TRPM6: variants seen among roughly 807,000 people sequenced by gnomAD.
TRPM6 encodes the protein transient receptor potential cation channel subfamily M member 6, also known as channel kinase 2.
Under a neutral mutation model 247.6 loss-of-function variants are expected in TRPM6, and 111 were observed. The observed-to-expected ratio is 0.45, with a 90% CI of 0.38 to 0.52. TRPM6 has a LOEUF of 0.52. Ranked by LOEUF, TRPM6 falls within the 20% of genes least tolerant of loss-of-function variation. TRPM6 has a pLI of 0.00. For missense variants in TRPM6, 2,126 were observed against 2,421.5 expected (o/e 0.88, Z 2.56); for synonymous variants, 892 against 853.8 (o/e 1.04, Z -0.78).
At chr9:74,730,188 C>A (rs967684019) in intron 37 of TRPM6, among the ~76,000 whole-genome samples, 1 of 152,082 alleles carries the variant, frequency 6.6e-6, no homozygotes, top group Non-Finnish European at 1.5e-5. Flanking sequence ...GTTCCACATG[C>A]GAGGAAACGC....
chr9:74,746,210 G>A (rs995924683), intron 31 of TRPM6, among the ~76,000 whole-genome samples: 1 of 151,154 alleles, frequency 6.6e-6, no homozygotes, highest in African/African-American at 2.4e-5. Context: ...CTGCACTGCA[G>A]CCTGGGCGAC....
At chr9:74,859,114 G>C (rs1163840180) in intron 1 of TRPM6, among the ~76,000 whole-genome samples, 1 of 152,120 alleles carries the variant, frequency 6.6e-6, no homozygotes, top group Non-Finnish European at 1.5e-5. Context: ...CCAAGCTCCC[G>C]AAACTTCAAA....
At chr9:74,881,885 G>T (rs1231744106) in intron 1 of TRPM6, among the ~76,000 whole-genome samples, 2 of 152,148 alleles carry the variant, frequency 1.3e-5, no homozygotes, top group Non-Finnish European at 2.9e-5. Context: ...AGAGAACACA[G>T]AAGTAATTCC....
intron 18 of TRPM6, among the ~76,000 whole-genome samples, chr9:74,796,473 C>A (rs1301411377): frequency 6.6e-6 from 1 of 152,092 alleles, no homozygotes; most frequent in East Asian, 1.9e-4. Flanking sequence ...GAATATTTTG[C>A]TTAATTGTGT....
chr9:74,820,333 G>A lies in TRPM6; in HGVS notation c.1105C>T (p.Leu369=). 1.2e-6 allele frequency: 2 copies of A among 1,614,044 alleles called. No homozygotes were observed. The highest frequency in any genetic ancestry group is 1.7e-6 in the Non-Finnish European group (2 of 1,179,962). The part of the protein sequence containing the change: ...LKQSKHLFQI[L]MECMVHRDCI... ...TCCCTGTGAACCATACACTCCATTA[G>A]AATTTGGAAAAGGTGCTTGGACTGT... Residue 369 remains leucine (L), a synonymous_variant, in exon 9 of 39, where the codon CTA becomes TTA. Transcript: ENST00000360774.
chr9:74,856,003 G>C (rs1830510326), intron 2 of TRPM6, among the ~76,000 whole-genome samples: 2 of 152,118 alleles, frequency 1.3e-5, no homozygotes, highest in Admixed American at 6.5e-5. Flanking sequence ...CAAGAAAATA[G>C]ATATATGTAA....
intron 21 of TRPM6, among the ~76,000 whole-genome samples, chr9:74,784,605 T>A (rs1489747333): frequency 6.6e-6 from 1 of 152,118 alleles, no homozygotes; most frequent in Non-Finnish European, 1.5e-5. Flanking sequence ...ATATCATTGG[T>A]GGTAGCCTCA....
chr9:74,766,496 A>G (rs912637153), intron 25 of TRPM6, among the ~76,000 whole-genome samples: 3 of 152,248 alleles, frequency 2.0e-5, no homozygotes, highest in African/African-American at 7.2e-5. Context: ...CATGAAAATC[A>G]CCATATTCAC....
chr9:74,751,996 A>G (rs1826265912), intron 29 of TRPM6, among the ~76,000 whole-genome samples: 1 of 152,174 alleles, frequency 6.6e-6, no homozygotes, highest in Non-Finnish European at 1.5e-5. Flanking sequence ...AACAGTTTCG[A>G]AAACTCCTGA....
chr9:74,795,989 A>C (rs1438485416), intron 18 of TRPM6, among the ~76,000 whole-genome samples: 1 of 152,180 alleles, frequency 6.6e-6, no homozygotes, highest in East Asian at 1.9e-4. Context: ...AGAGCATCTA[A>C]GTATCACCTG....
chr9:74,879,796 T>C (rs1587610126), intron 1 of TRPM6, among the ~76,000 whole-genome samples: 1 of 152,210 alleles, frequency 6.6e-6, no homozygotes, highest in Admixed American at 6.5e-5. Context: ...CTATATCCTT[T>C]GTAGTATCCT....
intron 24 of TRPM6, among the ~76,000 whole-genome samples, chr9:74,774,475 T>C (rs946160756): frequency 1.3e-5 from 2 of 150,750 alleles, no homozygotes; most frequent in African/African-American, 5.0e-5. Flanking sequence ...GGGAGCAGGG[T>C]ATGAAAAAGA....
intron 3 of TRPM6, among the ~76,000 whole-genome samples, chr9:74,853,094 C>G (rs1434444884): frequency 2.6e-5 from 4 of 151,716 alleles, no homozygotes; most frequent in Non-Finnish European, 4.4e-5. Flanking sequence ...GCGCCTCTGC[C>G]CGGCCGCGAC....
intron 33 of TRPM6, among the ~76,000 whole-genome samples, chr9:74,741,266 C>T (rs146957649): frequency 1.3e-5 from 2 of 152,182 alleles, no homozygotes; most frequent in African/African-American, 4.8e-5. Flanking sequence ...AATCTATATA[C>T]AACTTCTGTC....
intron 37 of TRPM6, 82 bp downstream of exon 37, chr9:74,732,601 CAT>C: frequency 9.5e-7 from 1 of 1,055,256 alleles, no homozygotes; most frequent in Non-Finnish European, 1.4e-6. Context: ...AGGCAGGGAA[CAT>C]ATATGTTTGT....
At chr9:74,792,527 AT>A in intron 19 of TRPM6, 96 bp downstream of exon 19, 1 of 1,374,372 alleles carries the variant, frequency 7.3e-7, no homozygotes, top group Non-Finnish European at 1.0e-6. Flanking sequence ...AGGTTTCTAC[AT>A]TTTTAATGCA....
intron 1 of TRPM6, among the ~76,000 whole-genome samples, chr9:74,877,630 C>T (rs577910204): frequency 6.6e-6 from 1 of 152,298 alleles, no homozygotes; most frequent in African/African-American, 2.4e-5. Flanking sequence ...CTGTTTGCTG[C>T]TGCCTACAGG....
chr9:74,751,976 T>C (rs1412753893), intron 29 of TRPM6, among the ~76,000 whole-genome samples: 1 of 152,250 alleles, frequency 6.6e-6, no homozygotes, highest in East Asian at 1.9e-4. Context: ...ACAACTTTCA[T>C]ATATTTGAAA....
intron 7 of TRPM6, among the ~76,000 whole-genome samples, chr9:74,822,401 C>T (rs142124763): frequency 4.9e-4 from 73 of 148,742 alleles, no homozygotes; most frequent in African/African-American, 1.7e-3. Flanking sequence ...AGGTATGTAC[C>T]ACCACACCTA....
Sources: gnomAD v4.1 joint callset for allele counts (sites outside exome capture counted in the v4.1 genomes callset) on GRCh38, gnomAD v4.1.1 for gene constraint, MANE v1.5 for transcripts, NCBI Gene and HGNC (gene_info 2026-07-23, HGNC 2026-07-21) for gene names.